CALM3: variants seen among roughly 807,000 people sequenced by gnomAD.
The protein encoded by CALM3 is calmodulin 3, also known as calmodulin-3.
Under a neutral mutation model 20.1 loss-of-function variants are expected in CALM3, and 5 were observed. That is an observed-to-expected ratio of 0.25 (90% CI 0.13 to 0.52). The LOEUF (loss-of-function observed/expected upper bound fraction) is 0.52, where lower values mean the gene tolerates loss of function less well. CALM3 is among the 20% of genes least tolerant of loss of function. The pLI is 0.96. For synonymous variants in CALM3, 69 were observed against 68.1 expected (o/e 1.01, Z -0.06); for missense variants, 57 against 192.8 (o/e 0.30, Z 4.17).
Position 46,607,694 on chromosome 19 carries a change from G to C in CALM3, c.35-503G>C, listed in dbSNP as rs576471105. Among the ~76,000 whole-genome samples, 39 of 152,330 alleles carry C rather than the reference G, an allele frequency of 2.6e-4. No homozygotes were observed. In the East Asian group the frequency reaches 7.1e-3, roughly 28 times the overall value. ...TGGTAGCACCCACGGCAAGGAACAGGGCTGCCAGTCAGAAGGGAGTGGATG... is the reference window on the plus strand; with the variant it reads ...TGGTAGCACCCACGGCAAGGAACAGCGCTGCCAGTCAGAAGGGAGTGGATG... On this transcript the variant is annotated intron_variant, in intron 2 of 5. Transcript: ENST00000291295.
In CALM3 at chr19:46,608,210, C is replaced by T; in HGVS notation, c.48C>T (p.Ala16=). ...TTCTTCCCCCAGAGTTCAAGGAGGC[C>T]TTCTCCCTCTTTGACAAGGATGGAG... ...TEEQIAEFKE[A]FSLFDKDGDG... The change falls in exon 3 of 6, where the codon GCC becomes GCT. Residue 16 remains alanine, a synonymous_variant. Transcript: ENST00000291295. This position sits in a 1 kb window ranked among gnomAD's most constrained non-coding sequence, Gnocchi z 5.5. 1.2e-6 allele frequency: 2 copies of T among 1,613,938 alleles called. No individual in the cohort carries two copies. Among genetic ancestry groups the T allele is most frequent in the Non-Finnish European group, 1.7e-6 (2 of 1,179,890 alleles).
At chr19:46,602,062 A>G in intron 1 of CALM3, 2 of 1,291,300 alleles carry the variant, frequency 1.5e-6, no homozygotes, top group South Asian at 1.2e-5. Flanking sequence ...GGTGGTCTCC[A>G]GAGCCCAGCA....
intron 1 of CALM3, among the ~76,000 whole-genome samples, chr19:46,604,605 G>A (rs967814414): frequency 1.3e-5 from 2 of 151,130 alleles, no homozygotes; most frequent in African/African-American, 4.9e-5. Context: ...TTGGGACGGG[G>A]ATGGGGGTAG....
At position 46,601,975 on chromosome 19, in the gene CALM3, TGGAGCAGA is replaced by T; in HGVS notation, c.3+543_3+550del. 1.6e-6 allele frequency: 1 copy of T among 618,016 alleles called. No individual in the cohort carries two copies. Among genetic ancestry groups the T allele is most frequent in the Non-Finnish European group, 2.3e-6 (1 of 442,464 alleles). 38.3% of individuals were successfully genotyped at this position (618,016 alleles called of 1,614,324 possible). On this transcript the variant is annotated intron_variant, in intron 1 of 5. Transcript: ENST00000291295. This position sits in a 1 kb window ranked among gnomAD's most constrained non-coding sequence, Gnocchi z 4.2. ...GGGAGGGGCGACCCCTGGGCTCCTG[TGGAGCAGA>T]GGAGAGGGTCAAGGATGGGCGGTCA...
At chr19:46,601,092 C>T, upstream of CALM3, 3 of 1,058,736 alleles carry the variant, frequency 2.8e-6, no homozygotes, top group Non-Finnish European at 4.0e-6. This position sits in a 1 kb window ranked among gnomAD's most constrained non-coding sequence, Gnocchi z 4.2. Flanking sequence ...GGAAAGTAGT[C>T]CGGCGACGGG....
rs1971812626 is a variant in CALM3 at position 46,609,106 on chromosome 19, T to C, written c.422-19T>C. 6.2e-7 allele frequency: 1 copy of C among 1,613,996 alleles called. No homozygotes were observed. Among genetic ancestry groups the C allele is most frequent in the Non-Finnish European group, 8.5e-7 (1 of 1,179,986 alleles). ...TAGCCTGCCCGCCTGACCTCCTCTC[T>C]CTCTGCTTCACTCCACAGAGTTTGT... On this transcript the variant is annotated intron_variant, in intron 5 of 5. Coordinates refer to ENST00000291295, the MANE Select transcript of CALM3 (RefSeq NM_005184.4).
At chr19:46,603,647 G>C (rs1971680672) in intron 1 of CALM3, among the ~76,000 whole-genome samples, 1 of 152,218 alleles carries the variant, frequency 6.6e-6, no homozygotes. Context: ...TTAGTCTTCA[G>C]GTCTAGAAAG....
Position 46,609,187 on chromosome 19 carries a change from TTGA to T in CALM3, c.*36_*38del. ...CGGGCAGCTGGCGATGCCCGTTCTCTTGATCTCTCTCTTCTCGCGCGCGCACTC... is the reference window on the plus strand; with the variant it reads ...CGGGCAGCTGGCGATGCCCGTTCTCTTCTCTCTCTTCTCGCGCGCGCACTC... On this transcript the variant is annotated 3_prime_UTR_variant, in exon 6 of 6. Transcript: ENST00000291295. 6.2e-7 allele frequency: 1 copy of T among 1,610,384 alleles called. No individual in the cohort carries two copies. Among genetic ancestry groups the T allele is most frequent in the Non-Finnish European group, 8.5e-7 (1 of 1,177,372 alleles).
Position 46,608,638 on chromosome 19 carries a change from G to T in CALM3, c.285+50G>T. ...CTCTGAGACTGACGCCAGCCTTCAG[G>T]CAGACAGGCGGAACTGGAGCCACGG... On this transcript the variant is annotated intron_variant, in intron 4 of 5. Coordinates refer to ENST00000291295, the MANE Select transcript of CALM3 (RefSeq NM_005184.4). The surrounding 1 kb of genome is among the most constrained non-coding windows in gnomAD (Gnocchi z 5.5). 1 of 1,489,984 alleles carries T rather than the reference G, an allele frequency of 6.7e-7. No individual in the cohort carries two copies. The highest frequency in any genetic ancestry group is 9.3e-7 in the Non-Finnish European group (1 of 1,071,182). 92.3% of individuals were successfully genotyped at this position (1,489,984 alleles called of 1,614,324 possible).
chr19:46,609,190 A>ATC lies in CALM3; in HGVS notation c.*45_*46dup. On this transcript the variant is annotated 3_prime_UTR_variant, in exon 6 of 6. Transcript: ENST00000291295. ...GCAGCTGGCGATGCCCGTTCTCTTG[A>ATC]TCTCTCTCTTCTCGCGCGCGCACTC... is the stretch of plus-strand genomic sequence containing the variant. The ATC allele has an allele frequency of 6.2e-7, 1 of 1,608,762 alleles. No individual in the cohort carries two copies.
rs1169520928 is a variant in CALM3 at position 46,601,623 on chromosome 19, G to GT, written c.3+189dup. ...GAGCGGGACGTCTGGATCACCAGAG[G>GT]TTTCCAGAAGCGACTTTAGCACCAA... is the stretch of plus-strand genomic sequence containing the variant. On this transcript the variant is annotated intron_variant, in intron 1 of 5. Coordinates refer to ENST00000291295, the MANE Select transcript of CALM3 (RefSeq NM_005184.4). The surrounding 1 kb of genome is among the most constrained non-coding windows in gnomAD (Gnocchi z 4.2). Among the ~76,000 whole-genome samples the GT allele has an allele frequency of 4.6e-5, 7 of 152,228 alleles. No individual in the cohort carries two copies. The highest frequency in any genetic ancestry group is 7.3e-5 in the Non-Finnish European group (5 of 68,038).
Position 46,601,574 on chromosome 19 carries a change from C to T in CALM3, c.3+137C>T. 8.5e-6 allele frequency: 7 copies of T among 823,588 alleles called. No individual in the cohort carries two copies. Among genetic ancestry groups the T allele is most frequent in the South Asian group, 2.7e-5 (1 of 37,066 alleles). The allele number at this position is 823,588 out of a possible 1,614,324, so 51.0% of individuals were successfully genotyped here. On this transcript the variant is annotated intron_variant, in intron 1 of 5. Transcript: ENST00000291295. The surrounding 1 kb of genome is among the most constrained non-coding windows in gnomAD (Gnocchi z 4.2). ...GAGCCTCGGGACCCTTTTCTACCCG[C>T]GTTGTCGGGGGCTGTTGAACCCAGA...
chr19:46,602,626 G>A (rs919430894), intron 1 of CALM3: 16 of 195,976 alleles, frequency 8.2e-5, no homozygotes, highest in African/African-American at 3.3e-4. Context: ...AAGACACCGG[G>A]GCAGTGGGAG....
chr19:46,605,035 A>G lies in CALM3; in HGVS notation c.4-792A>G, dbSNP rs1297555621. ...GCCTGCCACCCACTGGCCAGTCCCC[A>G]GAGTGCCCAAGCTGGAAAGGGTTAA... is the stretch of plus-strand genomic sequence containing the variant. On this transcript the variant is annotated intron_variant, in intron 1 of 5. Coordinates refer to ENST00000291295, the MANE Select transcript of CALM3 (RefSeq NM_005184.4). This position sits in a 1 kb window ranked among gnomAD's most constrained non-coding sequence, Gnocchi z 4.1. Among the ~76,000 whole-genome samples, 1 of 151,664 alleles carries G rather than the reference A, an allele frequency of 6.6e-6. No homozygotes were observed. The highest frequency in any genetic ancestry group is 1.5e-5 in the Non-Finnish European group (1 of 67,932).
chr19:46,609,451 C>G lies in CALM3; in HGVS notation c.*298C>G. On this transcript the variant is annotated 3_prime_UTR_variant, in exon 6 of 6. Coordinates refer to ENST00000291295, the MANE Select transcript of CALM3 (RefSeq NM_005184.4). ...CCCTCCCCAGATCCCCTTGGGGAGCCTCTGCCCTCCTCCAGCCCGGATGGC... is the reference window on the plus strand; with the variant it reads ...CCCTCCCCAGATCCCCTTGGGGAGCGTCTGCCCTCCTCCAGCCCGGATGGC... The G allele has an allele frequency of 2.1e-6, 1 of 477,166 alleles. No individual in the cohort carries two copies. Among genetic ancestry groups the G allele is most frequent in the South Asian group, 3.2e-5 (1 of 31,150 alleles). The allele number at this position is 477,166 out of a possible 1,614,324, so 29.6% of individuals were successfully genotyped here.
chr19:46,602,128 G>T, intron 1 of CALM3: 1 of 1,323,696 alleles, frequency 7.6e-7, no homozygotes. Context: ...GCCTGGGGTG[G>T]GTGGCAGCGG....
Position 46,608,191 on chromosome 19 carries a change from C to G in CALM3, c.35-6C>G, listed in dbSNP as rs770046799. 2 of 1,612,750 alleles carry G rather than the reference C, an allele frequency of 1.2e-6. No homozygotes were observed. The highest frequency in any genetic ancestry group is 2.2e-5 in the East Asian group (1 of 44,876). On this transcript the variant is annotated splice_region_variant and splice_polypyrimidine_tract_variant and intron_variant, in intron 2 of 5. Coordinates refer to ENST00000291295, the MANE Select transcript of CALM3 (RefSeq NM_005184.4). The surrounding 1 kb of genome is among the most constrained non-coding windows in gnomAD (Gnocchi z 5.5). ...GACCTCTGACTCCTCCCCCTTCTTC[C>G]CCCAGAGTTCAAGGAGGCCTTCTCC...
chr19:46,607,932 T>A (rs1283781348), intron 2 of CALM3: 1 of 398,586 alleles, frequency 2.5e-6, no homozygotes, highest in Non-Finnish European at 4.5e-6. Flanking sequence ...CAGACCATTT[T>A]CCCCACTGTC....
chr19:46,607,966 G>T, intron 2 of CALM3: 1 of 454,450 alleles, frequency 2.2e-6, no homozygotes, highest in Non-Finnish European at 3.9e-6. Flanking sequence ...CAGAAAAATA[G>T]CTTCACCTAG....
Sources: gnomAD v4.1 joint callset for allele counts (sites outside exome capture counted in the v4.1 genomes callset) on GRCh38, gnomAD v4.1.1 for gene constraint, Gnocchi (gnomAD v3.1) non-coding constraint, MANE v1.5 for transcripts, NCBI Gene and HGNC (gene_info 2026-07-23, HGNC 2026-07-21) for gene names.